Variants in ITGB6 observed in about 807,000 individuals in gnomAD.
The protein encoded by ITGB6 is integrin subunit beta 6, also known as integrin beta-6.
ITGB6 carries 80 observed loss-of-function variants against 84.5 expected under a neutral mutation model. The ratio of observed to expected loss-of-function variants is 0.95; its 90% CI spans 0.79 to 1.14. The LOEUF is 1.14. Among genes scored for constraint, ITGB6 ranks in the 50% most tolerant of loss-of-function variants. The pLI is 0.00. For synonymous variants in ITGB6, 383 were observed against 354.9 expected, an observed-to-expected ratio of 1.08 and a Z score of -0.89; for missense variants, 1,006 against 968.0, an observed-to-expected ratio of 1.04 and a Z score of -0.52.
At chr2:160,186,062 C>T (rs1221536621) in intron 4 of ITGB6, among the ~76,000 whole-genome samples, 1 of 151,964 alleles carries the variant, frequency 6.6e-6, no homozygotes, top group Non-Finnish European at 1.5e-5. Context: ...TAGGCATGGG[C>T]AAAGACTTCA....
At chr2:160,164,096 C>T (rs1233354024) in intron 7 of ITGB6, among the ~76,000 whole-genome samples, 1 of 152,146 alleles carries the variant, frequency 6.6e-6, no homozygotes, top group Non-Finnish European at 1.5e-5. Context: ...AACTCTGACC[C>T]CTCAGCTGGA....
chr2:160,162,050 G>A (rs1385595784), intron 7 of ITGB6, among the ~76,000 whole-genome samples: 2 of 152,144 alleles, frequency 1.3e-5, no homozygotes, highest in Non-Finnish European at 2.9e-5. Flanking sequence ...ATAGCTATAC[G>A]TATCTCCATG....
intron 14 of ITGB6, among the ~76,000 whole-genome samples, chr2:160,105,236 A>G (rs576911838): frequency 7.2e-5 from 11 of 152,088 alleles, no homozygotes; most frequent in Non-Finnish European, 1.6e-4. Context: ...AATATTTTCC[A>G]TTTATGCTTT....
chr2:160,151,229 A>T (rs1181018134), intron 7 of ITGB6, among the ~76,000 whole-genome samples: 1 of 152,230 alleles, frequency 6.6e-6, no homozygotes, highest in Admixed American at 6.5e-5. Flanking sequence ...AAAGAACAGA[A>T]ATCACAATGA....
At chr2:160,170,316 T>C (rs1337785988) in intron 6 of ITGB6, among the ~76,000 whole-genome samples, 2 of 152,234 alleles carry the variant, frequency 1.3e-5, no homozygotes, top group African/African-American at 4.8e-5. Flanking sequence ...AAGTGTAGTT[T>C]TGCCTAAAAC....
At chr2:160,148,328 G>A (rs569938252) in intron 7 of ITGB6, among the ~76,000 whole-genome samples, 1 of 152,350 alleles carries the variant, frequency 6.6e-6, no homozygotes, top group South Asian at 2.1e-4. Context: ...AGGATGTGGA[G>A]CAATAGGAAT....
chr2:160,167,838 C>A (rs992232046), intron 7 of ITGB6, among the ~76,000 whole-genome samples: 2 of 152,148 alleles, frequency 1.3e-5, no homozygotes, highest in African/African-American at 4.8e-5. Context: ...CCCAGACTCC[C>A]CTTTGAAGAA....
At chr2:160,119,663 A>G (rs1682942329) in intron 12 of ITGB6, among the ~76,000 whole-genome samples, 1 of 152,108 alleles carries the variant, frequency 6.6e-6, no homozygotes, top group Non-Finnish European at 1.5e-5. Context: ...AAAATTAACA[A>G]ATGGGATCTA....
intron 12 of ITGB6, among the ~76,000 whole-genome samples, chr2:160,117,191 C>T (rs2105787751): frequency 6.6e-6 from 1 of 152,202 alleles, no homozygotes; most frequent in South Asian, 2.1e-4. Flanking sequence ...AACTCTCCAC[C>T]CCAAATCAAC....
At chr2:160,147,657 C>A (rs1002751940) in intron 7 of ITGB6, among the ~76,000 whole-genome samples, 1 of 151,950 alleles carries the variant, frequency 6.6e-6, no homozygotes, top group African/African-American at 2.4e-5. Flanking sequence ...AATAGAGAGC[C>A]CAGAAATAGA....
chr2:160,164,487 T>G (rs1461245928), intron 7 of ITGB6, among the ~76,000 whole-genome samples: 1 of 151,962 alleles, frequency 6.6e-6, no homozygotes, highest in African/African-American at 2.4e-5. Flanking sequence ...AGGCCAGGAG[T>G]TTGAGATCAG....
At chr2:160,160,640 C>T (rs796653612) in intron 7 of ITGB6, among the ~76,000 whole-genome samples, 101 of 152,066 alleles carry the variant, frequency 6.6e-4, no homozygotes, top group African/African-American at 2.3e-3. Context: ...TCTTATGTCC[C>T]GGGGGTTGTC....
chr2:160,106,153 T>C (rs575347157), intron 14 of ITGB6, among the ~76,000 whole-genome samples: 1 of 152,362 alleles, frequency 6.6e-6, no homozygotes, highest in Admixed American at 6.5e-5. Context: ...CATGCCATTA[T>C]CATACCTAAT....
chr2:160,182,234 T>A (rs1348668401), intron 4 of ITGB6, among the ~76,000 whole-genome samples: 1 of 152,114 alleles, frequency 6.6e-6, no homozygotes, highest in Non-Finnish European at 1.5e-5. Context: ...GCAAGGAAGC[T>A]AAGAACCTTG....
intron 4 of ITGB6, among the ~76,000 whole-genome samples, chr2:160,178,204 C>T (rs569919853): frequency 2.0e-5 from 3 of 152,340 alleles, no homozygotes; most frequent in Non-Finnish European, 4.4e-5. Context: ...AGTTATTCAA[C>T]ACCACTGGCC....
chr2:160,197,218 C>A (rs550274885), intron 2 of ITGB6, among the ~76,000 whole-genome samples: 5 of 152,080 alleles, frequency 3.3e-5, no homozygotes, highest in Non-Finnish European at 7.4e-5. Context: ...ACGGTGTGAA[C>A]CCGGGAGGCA....
At chr2:160,112,857 G>A (rs1682591823) in intron 12 of ITGB6, among the ~76,000 whole-genome samples, 1 of 150,834 alleles carries the variant, frequency 6.6e-6, no homozygotes, top group Non-Finnish European at 1.5e-5. Context: ...TTTCCTTATT[G>A]AGCTCATTCA....
intron 7 of ITGB6, among the ~76,000 whole-genome samples, chr2:160,164,329 A>G (rs969585222): frequency 3.9e-5 from 6 of 152,216 alleles, no homozygotes; most frequent in African/African-American, 1.4e-4. Context: ...CTTAGTTTCA[A>G]TGATATGCTA....
chr2:160,194,049 C>T (rs1190208963), intron 4 of ITGB6, among the ~76,000 whole-genome samples: 6 of 152,026 alleles, frequency 3.9e-5, no homozygotes, highest in African/African-American at 9.7e-5. Flanking sequence ...CTCAGCTACT[C>T]GGGAGGCTGA....
Sources: allele counts gnomAD v4.1 joint callset (sites outside exome capture counted in the v4.1 genomes callset), GRCh38; gene constraint gnomAD v4.1.1; transcripts MANE v1.5; gene names NCBI Gene and HGNC (gene_info 2026-07-23, HGNC 2026-07-21).